EXOC4: variants seen among roughly 807,000 people sequenced by gnomAD.
EXOC4 encodes exocyst complex component 4.
In EXOC4, 71 loss-of-function variants were observed where a neutral mutation model predicts 107.2. The observed-to-expected ratio is 0.66, with a 90% CI of 0.55 to 0.81. The LOEUF (loss-of-function observed/expected upper bound fraction) is 0.81, where lower values mean the gene tolerates loss of function less well. Ranked by LOEUF, EXOC4 falls within the 30% of genes least tolerant of loss-of-function variation. EXOC4 has a pLI of 0.00. For missense variants in EXOC4, 1,108 were observed against 1,189.6 expected, an observed-to-expected ratio of 0.93 and a Z score of 1.01; for synonymous variants, 456 against 441.2, an observed-to-expected ratio of 1.03 and a Z score of -0.42.
intron 12 of EXOC4, among the ~76,000 whole-genome samples, chr7:133,908,885 C>T (rs1038567908): frequency 6.6e-5 from 10 of 152,128 alleles, no homozygotes; most frequent in African/African-American, 2.2e-4. Context: ...ATGTGCAGAA[C>T]ATGCAGGTTT....
At chr7:133,472,792 G>A (rs1798909850) in intron 7 of EXOC4, among the ~76,000 whole-genome samples, 1 of 152,118 alleles carries the variant, frequency 6.6e-6, no homozygotes, top group South Asian at 2.1e-4. Flanking sequence ...GGAGAAGTGG[G>A]TGGATAGGAA....
chr7:133,512,717 G>A (rs1473129629), intron 9 of EXOC4, among the ~76,000 whole-genome samples: 3 of 152,156 alleles, frequency 2.0e-5, no homozygotes, highest in Non-Finnish European at 2.9e-5. Context: ...GTCATTCTGC[G>A]CTGTGGTTAA....
intron 6 of EXOC4, among the ~76,000 whole-genome samples, chr7:133,373,848 C>T (rs1334948726): frequency 6.6e-6 from 1 of 152,162 alleles, no homozygotes; most frequent in Non-Finnish European, 1.5e-5. Flanking sequence ...ATGTATAAAG[C>T]AGTGCCTACT....
At chr7:134,002,216 A>T (rs1288875478) in intron 15 of EXOC4, among the ~76,000 whole-genome samples, 1 of 152,196 alleles carries the variant, frequency 6.6e-6, no homozygotes, top group Non-Finnish European at 1.5e-5. Context: ...TTAATTAGCA[A>T]CTGTTAAGAT....
chr7:133,993,778 A>G (rs949688356), intron 14 of EXOC4, among the ~76,000 whole-genome samples: 6 of 152,226 alleles, frequency 3.9e-5, no homozygotes, highest in African/African-American at 1.2e-4. Flanking sequence ...ATCAAATCAG[A>G]AAAGCAGGGA....
Position 133,488,471 on chromosome 7 carries a change from C to T in EXOC4, c.1417+8333C>T, listed in dbSNP as rs1242446583. Among the ~76,000 whole-genome samples the T allele has an allele frequency of 2.0e-5, 3 of 151,868 alleles. 1 individual carries two copies. Among genetic ancestry groups the T allele is most frequent in the East Asian group, 1.9e-4 (1 of 5,184 alleles). ...GGCACCCAGGGTACTATTTAAAACA[C>T]TAAAGACTCAGAGGCAGACATATGG... On this transcript the variant is annotated intron_variant, in intron 9 of 17. Transcript: ENST00000253861.
intron 9 of EXOC4, among the ~76,000 whole-genome samples, chr7:133,547,138 C>T (rs1479368090): frequency 1.3e-5 from 2 of 152,140 alleles, no homozygotes; most frequent in Non-Finnish European, 2.9e-5. Context: ...CAGTTCCAGA[C>T]CACCAGAATA....
chr7:134,100,793 A>C, the EXOC4 span, among the ~76,000 whole-genome samples: 1 of 129,478 alleles, frequency 7.7e-6, no homozygotes, highest in African/African-American at 2.7e-5. Flanking sequence ...AGAATACAAA[A>C]ACTAGCTGGG....
intron 14 of EXOC4, among the ~76,000 whole-genome samples, chr7:133,990,140 C>G (rs1261423632): frequency 6.6e-6 from 1 of 152,084 alleles, no homozygotes; most frequent in Non-Finnish European, 1.5e-5. Context: ...GAGAACATCA[C>G]AATTCTCTTC....
intron 11 of EXOC4, among the ~76,000 whole-genome samples, chr7:133,845,012 T>G (rs930651355): frequency 6.6e-6 from 1 of 152,186 alleles, no homozygotes; most frequent in African/African-American, 2.4e-5. Flanking sequence ...AAATCCAAAG[T>G]TGTATCTTAA....
intron 10 of EXOC4, among the ~76,000 whole-genome samples, chr7:133,812,616 AT>A (rs1362091122): frequency 6.6e-6 from 1 of 151,004 alleles, no homozygotes; most frequent in African/African-American, 2.4e-5. Context: ...TTTCATTTTT[AT>A]TTATTTTTAA....
chr7:133,858,817 A>G (rs140750052), intron 11 of EXOC4, among the ~76,000 whole-genome samples: 42 of 152,214 alleles, frequency 2.8e-4, no homozygotes, highest in African/African-American at 7.0e-4. Context: ...AGTCAAATCA[A>G]TGTTACAGTC....
chr7:133,874,545 A>G lies in EXOC4; in HGVS notation c.1735-21054A>G, dbSNP rs568119748. ...CAAACAGTTCCATATGTTCTATTTTACTGGAAGCCAAGCTCCCTGCCATTC... is the reference window on the plus strand; with the variant it reads ...CAAACAGTTCCATATGTTCTATTTTGCTGGAAGCCAAGCTCCCTGCCATTC... On this transcript the variant is annotated intron_variant, in intron 11 of 17. Coordinates refer to ENST00000253861, the MANE Select transcript of EXOC4 (RefSeq NM_021807.4). Among the ~76,000 whole-genome samples, 48 of 152,210 alleles carry G rather than the reference A, an allele frequency of 3.2e-4. No individual in the cohort carries two copies. In the Middle Eastern group the frequency reaches 0.01, roughly 32 times the overall value.
intron 7 of EXOC4, among the ~76,000 whole-genome samples, chr7:133,474,054 G>A (rs1278701107): frequency 6.6e-6 from 1 of 152,040 alleles, no homozygotes; most frequent in Non-Finnish European, 1.5e-5. Context: ...TGTTTAATCA[G>A]GGAATTTAGT....
chr7:133,699,821 A>C (rs1329833125), intron 10 of EXOC4, among the ~76,000 whole-genome samples: 1 of 152,170 alleles, frequency 6.6e-6, no homozygotes, highest in East Asian at 1.9e-4. Flanking sequence ...ACATTCACTA[A>C]ATGTTTGATT....
chr7:134,076,206 A>G, the EXOC4 span, among the ~76,000 whole-genome samples: 2 of 152,188 alleles, frequency 1.3e-5, no homozygotes, highest in East Asian at 3.9e-4. Context: ...CTCAGTCAGT[A>G]CATGTCTGTC....
chr7:134,046,469 T>C lies in EXOC4; in HGVS notation c.2688-17822T>C, dbSNP rs548461444. On this transcript the variant is annotated intron_variant, in intron 17 of 17. Coordinates refer to ENST00000253861, the MANE Select transcript of EXOC4 (RefSeq NM_021807.4). The stretch of plus-strand genomic sequence containing the variant: ...AGGACGACAGAGTAAGACTATGTCT[T>C]AAAAAAAAAAACAAAAAAAGACGGC... Among the ~76,000 whole-genome samples the C allele has an allele frequency of 2.9e-3, 410 of 140,714 alleles. 1 individual carries two copies. The highest frequency in any genetic ancestry group is 3.5e-3 in the Non-Finnish European group (224 of 64,746). The allele number at this position is 140,714 out of a possible 152,430, so 92.3% of individuals were successfully genotyped here. A position where few individuals can be genotyped will look rare whatever the true frequency, so the allele number is the denominator to read the frequency against.
Position 134,050,631 on chromosome 7 carries a change from TA to T in EXOC4, c.2688-13659del, listed in dbSNP as rs1795762605. Among the ~76,000 whole-genome samples, 4 of 152,306 alleles carry T rather than the reference TA, an allele frequency of 2.6e-5. No homozygotes were observed. The South Asian group carries it at 8.3e-4, about 32-fold the overall frequency. On this transcript the variant is annotated intron_variant, in intron 17 of 17. Transcript: ENST00000253861. ...GCGATTTTGAACATGAAGTAGGCTC[TA>T]GATACTTAGAGCCAAAAAGTACTAA...
At chr7:133,439,163 A>C (rs6961498) in intron 7 of EXOC4, among the ~76,000 whole-genome samples, 1 of 145,986 alleles carries the variant, frequency 6.8e-6, no homozygotes, top group East Asian at 2.0e-4. Context: ...TAAAGGAAAT[A>C]TACCATATTT....
Sources: allele counts gnomAD v4.1 joint callset (sites outside exome capture counted in the v4.1 genomes callset), GRCh38; gene constraint gnomAD v4.1.1; transcripts MANE v1.5; gene names NCBI Gene and HGNC (gene_info 2026-07-23, HGNC 2026-07-21).